COL13A1: variants seen among roughly 807,000 people sequenced by gnomAD.
COL13A1 encodes collagen alpha-1(XIII) chain.
COL13A1 carries 89 observed loss-of-function variants against 130.9 expected under a neutral mutation model. The ratio of observed to expected loss-of-function variants is 0.68; its 90% CI spans 0.57 to 0.81. The LOEUF is 0.81. Ranked by LOEUF, COL13A1 falls within the 30% of genes least tolerant of loss-of-function variation. The probability of loss-of-function intolerance (pLI) is 0.00; values close to 1 mark genes in which losing one functional copy is unlikely to be tolerated. For missense variants in COL13A1, 879 were observed against 934.6 expected (o/e 0.94, Z 0.78); for synonymous variants, 402 against 341.6 (o/e 1.18, Z -1.95).
rs1050359618 is a variant in COL13A1, at chr10:69,854,837, A to G, written c.365-12961A>G. Among the ~76,000 whole-genome samples, 29 of 152,314 alleles carry G rather than the reference A, an allele frequency of 1.9e-4. 1 individual carries two copies. Among genetic ancestry groups the G allele is most frequent in the Admixed American group, 1.9e-3 (29 of 15,296 alleles). On this transcript the variant is annotated intron_variant, in intron 2 of 40. Transcript: ENST00000645393. ...TGGTATTTGCAATTCCAGAATAGAC[A>G]GGTACTCAGCGCAGGGCTTGGACAT... is the stretch of plus-strand genomic sequence containing the variant.
At chr10:69,849,124 T>G (rs1853980285) in intron 2 of COL13A1, among the ~76,000 whole-genome samples, 2 of 152,256 alleles carry the variant, frequency 1.3e-5, no homozygotes, top group East Asian at 3.8e-4. Flanking sequence ...TTAAATGTCT[T>G]AGAATTTTCA....
At chr10:69,844,774 A>G (rs1399584511) in intron 2 of COL13A1, among the ~76,000 whole-genome samples, 1 of 152,230 alleles carries the variant, frequency 6.6e-6, no homozygotes, top group African/African-American at 2.4e-5. Flanking sequence ...GATTTTTGAG[A>G]CCGTAAAGTA....
intron 14 of COL13A1, among the ~76,000 whole-genome samples, chr10:69,899,228 C>T (rs1166985153): frequency 6.6e-6 from 1 of 152,192 alleles, no homozygotes. Context: ...ACCTGTGTCC[C>T]AGCCTTCTCA....
At chr10:69,949,958 G>GTGTGTGTGCATGTGTT (rs753961849) in intron 38 of COL13A1, among the ~76,000 whole-genome samples, 48 of 147,894 alleles carry the variant, frequency 3.2e-4, no homozygotes, top group Non-Finnish European at 4.5e-4. Context: ...GCGTGTGTTT[G>GTGTGTGTGCATGTGTT]TGTGTGCGTG....
intron 2 of COL13A1, among the ~76,000 whole-genome samples, chr10:69,848,404 A>G (rs985782988): frequency 6.6e-6 from 1 of 152,214 alleles, no homozygotes; most frequent in Non-Finnish European, 1.5e-5. Flanking sequence ...AACTGGTACT[A>G]TTAGTTCCAC....
In COL13A1 at chr10:69,802,387, C is replaced by A. The variant is rs995009946; in HGVS notation, c.-37C>A. 35 of 1,431,046 alleles carry A rather than the reference C, an allele frequency of 2.4e-5. No homozygotes were observed. Among genetic ancestry groups the A allele is most frequent in the African/African-American group, 1.8e-4 (12 of 65,752 alleles). The allele number at this position is 1,431,046 out of a possible 1,614,324, so 88.6% of individuals were successfully genotyped here. On this transcript the variant is annotated 5_prime_UTR_variant, in exon 1 of 41. Transcript: ENST00000645393. ...GCAGCGGCTGTCGCCTTTATTTATT[C>A]TATTTATTTATTTATTGGTTCTCAA...
chr10:69,811,280 C>T (rs1410821680), intron 1 of COL13A1, among the ~76,000 whole-genome samples: 1 of 152,146 alleles, frequency 6.6e-6, no homozygotes, highest in Non-Finnish European at 1.5e-5. Context: ...CCTTGCTGCC[C>T]CTAAAGGCTG....
intron 2 of COL13A1, among the ~76,000 whole-genome samples, chr10:69,865,970 A>G (rs2058475323): frequency 6.6e-6 from 1 of 152,222 alleles, no homozygotes; most frequent in Non-Finnish European, 1.5e-5. Context: ...CAAGGCGGGA[A>G]TGATAGAACC....
In COL13A1 at chr10:69,930,092, G is replaced by A; in HGVS notation, c.1530+5G>A. 6.2e-7 allele frequency: 1 copy of A among 1,613,792 alleles called. No individual in the cohort carries two copies. The highest frequency in any genetic ancestry group is 8.5e-7 in the Non-Finnish European group (1 of 1,179,798). ...CCAGGACACGATGGGGAAAAGGTATGAACAGACGTCCTCTGGTCAAACCTC... is the reference window on the plus strand; with the variant it reads ...CCAGGACACGATGGGGAAAAGGTATAAACAGACGTCCTCTGGTCAAACCTC... On this transcript the variant is annotated splice_donor_5th_base_variant and intron_variant, in intron 29 of 40. Coordinates refer to ENST00000645393, the MANE Select transcript of COL13A1 (RefSeq NM_001368882.1).
chr10:69,905,074 GAC>G, intron 16 of COL13A1, 115 bp downstream of exon 16: 1 of 1,225,342 alleles, frequency 8.2e-7, no homozygotes. Context: ...TCAGCTGAGA[GAC>G]AGATCAAGCT....
chr10:69,941,090 T>C, intron 35 of COL13A1, 67 bp downstream of exon 35: 1 of 1,611,562 alleles, frequency 6.2e-7, no homozygotes, highest in Non-Finnish European at 8.5e-7. Context: ...ATCCCTTTTG[T>C]CTGTCCCACT....
intron 1 of COL13A1, among the ~76,000 whole-genome samples, chr10:69,804,643 C>T (rs1330995365): frequency 2.4e-5 from 3 of 122,926 alleles, no homozygotes; most frequent in African/African-American, 8.9e-5. Flanking sequence ...GCGCTGTATC[C>T]TGCCACCTTT....
intron 1 of COL13A1, among the ~76,000 whole-genome samples, chr10:69,810,514 C>G (rs16926891): frequency 0.026 from 3,912 of 152,242 alleles, 84 homozygotes; most frequent in African/African-American, 0.039. Context: ...CAACAAAAGT[C>G]TCCGTGTGCA....
chr10:69,822,098 T>A (rs554325820), intron 1 of COL13A1, among the ~76,000 whole-genome samples: 34 of 152,310 alleles, frequency 2.2e-4, no homozygotes, highest in African/African-American at 7.7e-4. Context: ...AAGATGCAAC[T>A]GGTTTATAGG....
intron 2 of COL13A1, among the ~76,000 whole-genome samples, chr10:69,824,802 C>T (rs748073567): frequency 2.0e-5 from 3 of 152,224 alleles, no homozygotes; most frequent in Non-Finnish European, 2.9e-5. Context: ...CCAAAGCATA[C>T]ATCAGAGCCA....
intron 18 of COL13A1, 35 bp from the exon 19 acceptor site, chr10:69,918,250 A>C: frequency 6.2e-7 from 1 of 1,607,210 alleles, no homozygotes; most frequent in Non-Finnish European, 8.5e-7. Flanking sequence ...TCGCTGCAGA[A>C]TGTCTTCAGA....
At chr10:69,953,400 G>A (rs988963461) in intron 39 of COL13A1, among the ~76,000 whole-genome samples, 2 of 152,168 alleles carry the variant, frequency 1.3e-5, no homozygotes, top group African/African-American at 4.8e-5. Flanking sequence ...CAGGATGCAG[G>A]ACACCAGAGT....
chr10:69,948,320 T>C (rs1307161772), intron 38 of COL13A1, among the ~76,000 whole-genome samples: 1 of 144,366 alleles, frequency 6.9e-6, no homozygotes, highest in East Asian at 2.0e-4. Flanking sequence ...CCTATGCTCC[T>C]ATCTGGCAAC....
At chr10:69,803,725 C>T (rs929187033) in intron 1 of COL13A1, among the ~76,000 whole-genome samples, 2 of 152,004 alleles carry the variant, frequency 1.3e-5, no homozygotes, top group Non-Finnish European at 2.9e-5. Flanking sequence ...GTAAAGATCA[C>T]GGTGGTAGAG....
Sources: gnomAD v4.1 joint callset for allele counts (sites outside exome capture counted in the v4.1 genomes callset) on GRCh38, gnomAD v4.1.1 for gene constraint, MANE v1.5 for transcripts, NCBI Gene and HGNC (gene_info 2026-07-23, HGNC 2026-07-21) for gene names.